The following TMEFF2 variants were observed in gnomAD, a reference collection of about 807,000 sequenced individuals.
TMEFF2 encodes tomoregulin-2.
In TMEFF2, 28 loss-of-function variants were observed where a neutral mutation model predicts 53.8. That is an observed-to-expected ratio of 0.52 (90% CI 0.39 to 0.71). The LOEUF (loss-of-function observed/expected upper bound fraction) is 0.71. Among genes scored for constraint, TMEFF2 ranks in the 30% least tolerant of loss-of-function variants. The pLI is 0.00. For missense variants in TMEFF2, 353 were observed against 455.2 expected (o/e 0.78, Z 2.04); for synonymous variants, 162 against 166.3 (o/e 0.97, Z 0.20).
At chr2:192,061,326 T>C (rs143646959) in intron 4 of TMEFF2, among the ~76,000 whole-genome samples, 1 of 152,088 alleles carries the variant, frequency 6.6e-6, no homozygotes, top group Admixed American at 6.6e-5. Context: ...CATTCACAAA[T>C]TCAGCCAATC....
chr2:192,138,588 G>A (rs558435305), intron 4 of TMEFF2, among the ~76,000 whole-genome samples: 26 of 152,262 alleles, frequency 1.7e-4, no homozygotes, highest in East Asian at 3.9e-4. Flanking sequence ...TAGCAATTTC[G>A]GGGAAATCTC....
At chr2:192,021,643 C>CG (rs1040456627) in intron 5 of TMEFF2, among the ~76,000 whole-genome samples, 32 of 152,252 alleles carry the variant, frequency 2.1e-4, no homozygotes, top group African/African-American at 6.7e-4. Context: ...TGTGCCATAA[C>CG]TAAGTGACAA....
At chr2:192,146,971 A>G (rs1478662023) in intron 4 of TMEFF2, among the ~76,000 whole-genome samples, 20 of 152,130 alleles carry the variant, frequency 1.3e-4, no homozygotes, top group Non-Finnish European at 1.5e-5. Context: ...TCAAGACTTC[A>G]TACACAGCTT....
intron 4 of TMEFF2, among the ~76,000 whole-genome samples, chr2:192,068,159 G>A (rs989360065): frequency 2.0e-4 from 31 of 151,862 alleles, no homozygotes; most frequent in Admixed American, 9.9e-4. Context: ...AGGCTGTGGA[G>A]CACATTAAAT....
At chr2:192,045,897 C>G (rs1006877787) in intron 5 of TMEFF2, among the ~76,000 whole-genome samples, 4 of 152,178 alleles carry the variant, frequency 2.6e-5, no homozygotes, top group Non-Finnish European at 5.9e-5. Flanking sequence ...ATGCTTCTCC[C>G]AAAACTACCA....
intron 7 of TMEFF2, among the ~76,000 whole-genome samples, chr2:191,964,453 T>A (rs1013863000): frequency 2.5e-4 from 37 of 147,964 alleles, no homozygotes; most frequent in African/African-American, 8.7e-4. Context: ...TTAACCCATG[T>A]ACCTTGTCTA....
intron 4 of TMEFF2, among the ~76,000 whole-genome samples, chr2:192,060,968 A>T (rs976306599): frequency 1.3e-5 from 2 of 152,174 alleles, no homozygotes; most frequent in African/African-American, 2.4e-5. Context: ...TGCCATTAAA[A>T]TGTATTTAAT....
At chr2:192,136,162 A>C (rs1309708079) in intron 4 of TMEFF2, among the ~76,000 whole-genome samples, 2 of 152,178 alleles carry the variant, frequency 1.3e-5, no homozygotes, top group African/African-American at 2.4e-5. Context: ...AATTAAACTC[A>C]GTATTTCATG....
In TMEFF2 at chr2:191,999,210, T is replaced by TA. The variant is rs1559078655; in HGVS notation, c.537-3dup. 1 of 1,573,710 alleles carries TA rather than the reference T, an allele frequency of 6.4e-7. No homozygotes were observed. The highest frequency in any genetic ancestry group is 8.7e-7 in the Non-Finnish European group (1 of 1,155,064). On this transcript the variant is annotated splice_region_variant and splice_polypyrimidine_tract_variant and intron_variant, in intron 5 of 9. Coordinates refer to ENST00000272771, the MANE Select transcript of TMEFF2 (RefSeq NM_016192.4). ...GAACAGTCAATATTACACACACACC[T>TA]AAAAAAAGAGAGAAATAAAAACATG... is the stretch of plus-strand genomic sequence containing the variant.
intron 4 of TMEFF2, among the ~76,000 whole-genome samples, chr2:192,117,950 C>T (rs1039462256): frequency 4.2e-5 from 5 of 118,074 alleles, no homozygotes; most frequent in Non-Finnish European, 8.3e-5. Context: ...ACTTTTGTTT[C>T]AATAAATCGG....
chr2:192,127,877 T>G (rs529581167), intron 4 of TMEFF2, among the ~76,000 whole-genome samples: 2 of 152,318 alleles, frequency 1.3e-5, no homozygotes, highest in South Asian at 4.1e-4. Flanking sequence ...ACTATTACAT[T>G]CTTCTAATCT....
intron 8 of TMEFF2, 144 bp downstream of exon 8, chr2:191,956,111 T>C: frequency 1.3e-6 from 1 of 772,748 alleles, no homozygotes; most frequent in Non-Finnish European, 2.0e-6. Flanking sequence ...TATGTGTGTA[T>C]GCATGCACAG....
chr2:192,069,234 C>T (rs1208457088), intron 4 of TMEFF2, among the ~76,000 whole-genome samples: 3 of 151,632 alleles, frequency 2.0e-5, no homozygotes, highest in Non-Finnish European at 3.0e-5. Flanking sequence ...GGTTTCAAAT[C>T]AATAATTTAT....
chr2:192,064,814 CA>C (rs1050277881), intron 4 of TMEFF2, among the ~76,000 whole-genome samples: 3 of 151,744 alleles, frequency 2.0e-5, no homozygotes, highest in Admixed American at 2.0e-4. Context: ...AGACACATTC[CA>C]AAATATGGGC....
chr2:192,072,757 C>CAA (rs1373905753), intron 4 of TMEFF2, among the ~76,000 whole-genome samples: 1 of 151,876 alleles, frequency 6.6e-6, no homozygotes, highest in African/African-American at 2.4e-5. Flanking sequence ...TATGGATGTA[C>CAA]AAGCACTGGT....
rs59510075 is a variant in TMEFF2 at position 192,075,285 on chromosome 2, T to TTATATATATATATATATAAATATATA, written c.440-17511_440-17510insTATATATTTATATATATATATATATA. The stretch of plus-strand genomic sequence containing the variant: ...TTATTATACCCAGAGTACAGTACTA[T>TTATATATATATATATATAAATATATA]TATATATATATATATATATATATAT... On this transcript the variant is annotated intron_variant, in intron 4 of 9. Transcript: ENST00000272771. Among the ~76,000 whole-genome samples, 121 of 65,736 alleles carry TTATATATATATATATATAAATATATA rather than the reference T, an allele frequency of 1.8e-3. 2 individuals are homozygous for TTATATATATATATATATAAATATATA. Among genetic ancestry groups the TTATATATATATATATATAAATATATA allele is most frequent in the East Asian group, 8.5e-3 (4 of 470 alleles). 43.1% of individuals were successfully genotyped at this position (65,736 alleles called of 152,430 possible). A position where few individuals can be genotyped will look rare whatever the true frequency, so the allele number is the denominator to read the frequency against.
intron 4 of TMEFF2, among the ~76,000 whole-genome samples, chr2:192,154,981 T>C (rs1690472807): frequency 6.6e-6 from 1 of 151,980 alleles, no homozygotes; most frequent in African/African-American, 2.4e-5. Flanking sequence ...GAAATTTTCA[T>C]ACCCTTCCTG....
At chr2:191,987,977 T>C (rs1686018561) in intron 7 of TMEFF2, among the ~76,000 whole-genome samples, 1 of 152,088 alleles carries the variant, frequency 6.6e-6, no homozygotes, top group Admixed American at 6.6e-5. Flanking sequence ...ATGATAATGG[T>C]TTTCTTAGGA....
At chr2:192,068,395 G>A (rs1194011734) in intron 4 of TMEFF2, among the ~76,000 whole-genome samples, 1 of 151,800 alleles carries the variant, frequency 6.6e-6, no homozygotes, top group Non-Finnish European at 1.5e-5. Flanking sequence ...ACACAAAACA[G>A]CATAACAAAA....
Sources: allele counts gnomAD v4.1 joint callset (sites outside exome capture counted in the v4.1 genomes callset), GRCh38; gene constraint gnomAD v4.1.1; transcripts MANE v1.5; gene names NCBI Gene and HGNC (gene_info 2026-07-23, HGNC 2026-07-21).